TMEM165: variants seen among roughly 807,000 people sequenced by gnomAD.
The protein encoded by TMEM165 is transmembrane protein 165.
Under a neutral mutation model 30.0 loss-of-function variants are expected in TMEM165, and 19 were observed. That is an observed-to-expected ratio of 0.63 (90% CI 0.44 to 0.93). The LOEUF (loss-of-function observed/expected upper bound fraction) is 0.93, where lower values mean the gene tolerates loss of function less well. TMEM165 is among the 40% of genes least tolerant of loss of function. TMEM165 has a pLI of 0.00. For missense variants in TMEM165, 340 were observed against 417.0 expected, an observed-to-expected ratio of 0.82 and a Z score of 1.61; for synonymous variants, 168 against 162.9, an observed-to-expected ratio of 1.03 and a Z score of -0.24.
At chr4:55,437,610 T>C (rs571669881) in intron 3 of TMEM165, among the ~76,000 whole-genome samples, 4 of 152,336 alleles carry the variant, frequency 2.6e-5, no homozygotes, top group Admixed American at 1.3e-4. Flanking sequence ...CCTTGTCTTA[T>C]ATTCAGTGAT....
At position 55,403,172 on chromosome 4, in the gene TMEM165, C is replaced by T. The variant is rs567169529; in HGVS notation, c.207+6776C>T. 37 of 1,007,314 alleles carry T rather than the reference C, an allele frequency of 3.7e-5. No homozygotes were observed. In the African/African-American group the frequency reaches 5.4e-4, roughly 15 times the overall value. The allele number at this position is 1,007,314 out of a possible 1,614,324, so 62.4% of individuals were successfully genotyped here. ...AAGCATTTTCTTCTGACTCCTTTGT[C>T]TTCAGATAATCTCACCTCTTGTTTG... On this transcript the variant is annotated intron_variant, in intron 1 of 5. Coordinates refer to ENST00000381334, the MANE Select transcript of TMEM165 (RefSeq NM_018475.5).
intron 3 of TMEM165, among the ~76,000 whole-genome samples, chr4:55,445,788 G>T (rs1400946550): frequency 6.6e-6 from 1 of 151,274 alleles, no homozygotes; most frequent in Non-Finnish European, 1.5e-5. Context: ...TAAAAATAGG[G>T]TCTTGCTATG....
intron 1 of TMEM165, 65 bp from the exon 2 acceptor site, chr4:55,411,549 T>C: frequency 6.3e-6 from 9 of 1,427,222 alleles, no homozygotes; most frequent in East Asian, 2.4e-5. Context: ...CTAAATCTTA[T>C]TTACGTGCAA....
intron 3 of TMEM165, among the ~76,000 whole-genome samples, chr4:55,451,249 T>A (rs1328825030): frequency 6.6e-6 from 1 of 152,194 alleles, no homozygotes; most frequent in East Asian, 1.9e-4. Context: ...ATGAATTAAA[T>A]GTTAAAGTTA....
intron 5 of TMEM165, chr4:55,424,916 G>A (rs2109567324): frequency 4.8e-6 from 2 of 414,924 alleles, no homozygotes; most frequent in Non-Finnish European, 8.6e-6. Flanking sequence ...TTGGAAGTAT[G>A]AGAAGTTTTT....
chr4:55,445,413 T>A (rs1437656712), intron 3 of TMEM165, among the ~76,000 whole-genome samples: 2 of 151,888 alleles, frequency 1.3e-5, no homozygotes, highest in Non-Finnish European at 2.9e-5. Flanking sequence ...TTCTCTATTA[T>A]CCAGTTGCTA....
chr4:55,450,232 T>G (rs759781394), intron 3 of TMEM165: 1 of 1,613,986 alleles, frequency 6.2e-7, no homozygotes, highest in Non-Finnish European at 8.5e-7. Flanking sequence ...GAATCTTGGC[T>G]CTATGGAGAC....
intron 1 of TMEM165, among the ~76,000 whole-genome samples, chr4:55,407,219 G>A (rs1448488401): frequency 2.6e-5 from 4 of 152,074 alleles, no homozygotes; most frequent in African/African-American, 7.2e-5. Flanking sequence ...GGGGGATAAC[G>A]AAAAGGAGGT....
At chr4:55,442,730 A>T (rs934009616) in intron 3 of TMEM165, 1 of 1,094,372 alleles carries the variant, frequency 9.1e-7, no homozygotes, top group African/African-American at 1.6e-5. Context: ...TGACAATATG[A>T]CAGAGAAAGA....
At chr4:55,442,456 G>A (rs867476546) in intron 3 of TMEM165, 1 of 1,609,264 alleles carries the variant, frequency 6.2e-7, no homozygotes. Context: ...CTGAGTGAAT[G>A]TAGTTACTGC....
intron 3 of TMEM165, chr4:55,448,811 T>C (rs1257933371): frequency 4.3e-6 from 7 of 1,614,012 alleles, no homozygotes; most frequent in South Asian, 3.3e-5. Flanking sequence ...GGTAAATTTG[T>C]AGCTTGAGAC....
intron 2 of TMEM165, chr4:55,412,690 AT>A (rs1355668762): frequency 6.6e-6 from 1 of 151,980 alleles, no homozygotes; most frequent in Non-Finnish European, 1.5e-5. Context: ...CCAGTTACAG[AT>A]TTCTTTCTTC....
chr4:55,439,991 T>C (rs1428520020), intron 3 of TMEM165, among the ~76,000 whole-genome samples: 1 of 152,184 alleles, frequency 6.6e-6, no homozygotes, highest in Admixed American at 6.5e-5. Flanking sequence ...GTAACTTTTA[T>C]GTCATTTGTA....
intron 1 of TMEM165, among the ~76,000 whole-genome samples, chr4:55,403,516 A>ATTTTTTTT: frequency 7.8e-6 from 1 of 128,524 alleles, no homozygotes; most frequent in Non-Finnish European, 1.6e-5. Flanking sequence ...TTTTTTTACA[A>ATTTTTTTT]TTTTTACATT....
Position 55,425,410 on chromosome 4 carries a change from T to G in TMEM165, c.933T>G (p.Phe311Leu). The stretch of plus-strand genomic sequence containing the variant: ...TAGGAGGCATCGTTTTTTTGGCGTT[T>G]GCATTTTCTGCACTATTTATAAGCC... ...TIIGGIVFLA[F>L]AFSALFISPD... The change falls in exon 6 of 6, where the codon TTT (phenylalanine) becomes TTG (leucine). Residue 311 changes from phenylalanine (F) to leucine (L), a missense_variant. By Grantham distance (22) the Phe-to-Leu change is conservative. Transcript: ENST00000381334. The G allele has an allele frequency of 6.2e-7, 1 of 1,613,808 alleles. No individual in the cohort carries two copies. Among genetic ancestry groups the G allele is most frequent in the Non-Finnish European group, 8.5e-7 (1 of 1,179,898 alleles).
chr4:55,417,346 G>A, intron 3 of TMEM165, 99 bp downstream of exon 3: 1 of 1,203,954 alleles, frequency 8.3e-7, no homozygotes, highest in East Asian at 2.5e-5. Flanking sequence ...TGATATGCGG[G>A]GCTACACAAA....
rs71664292 is a variant in TMEM165 at position 55,403,492 on chromosome 4, C to CTTT, written c.207+7099_207+7101dup. ...ACTTTCTAAATGAGGGTGCCTTTTT[C>CTTT]TTTTTCTTTTTTTTTTTTTTACAAT... On this transcript the variant is annotated intron_variant, in intron 1 of 5. Coordinates refer to ENST00000381334, the MANE Select transcript of TMEM165 (RefSeq NM_018475.5). Among the ~76,000 whole-genome samples the CTTT allele has an allele frequency of 1.2e-3, 146 of 124,440 alleles. 3 individuals are homozygous for CTTT. Among genetic ancestry groups the CTTT allele is most frequent in the Admixed American group, 4.9e-3 (60 of 12,214 alleles). 81.6% of individuals were successfully genotyped at this position (124,440 alleles called of 152,430 possible).
In TMEM165 at chr4:55,414,093, C is replaced by A. The variant is rs557709387; in HGVS notation, c.433+2254C>A. On this transcript the variant is annotated intron_variant, in intron 2 of 5. Transcript: ENST00000381334. ...GCCATCCTGGCTAACACGGTGAAAC[C>A]CCGTCTCTACTAAAAAAATCCAAAA... 2.6e-5 allele frequency among the ~76,000 whole-genome samples: 4 copies of A among 152,070 alleles called. No homozygotes were observed. In the East Asian group the frequency reaches 7.7e-4, roughly 29 times the overall value.
chr4:55,431,350 ATTATAG>A (rs1374933200), intron 3 of TMEM165: 2 of 152,334 alleles, frequency 1.3e-5, no homozygotes, highest in African/African-American at 2.4e-5. Context: ...GAGGGTTCCT[ATTATAG>A]TTATATACAA....
Sources: allele counts gnomAD v4.1 joint callset (sites outside exome capture counted in the v4.1 genomes callset), GRCh38; gene constraint gnomAD v4.1.1; transcripts MANE v1.5; gene names NCBI Gene and HGNC (gene_info 2026-07-23, HGNC 2026-07-21).